Variants in CATSPERD observed in about 807,000 individuals in gnomAD.
The protein encoded by CATSPERD is catsper channel auxiliary subunit delta.
Under a neutral mutation model 98.1 loss-of-function variants are expected in CATSPERD, and 86 were observed. That is an observed-to-expected ratio of 0.88 (90% CI 0.74 to 1.05). The LOEUF is 1.05. CATSPERD is among the 50% of genes least tolerant of loss of function. CATSPERD has a pLI of 0.00. For synonymous variants in CATSPERD, 394 were observed against 390.2 expected, an observed-to-expected ratio of 1.01 and a Z score of -0.12; for missense variants, 995 against 1,005.7, an observed-to-expected ratio of 0.99 and a Z score of 0.14.
intron 21 of CATSPERD, among the ~76,000 whole-genome samples, chr19:5,776,563 C>T (rs915099723): frequency 5.9e-5 from 9 of 152,314 alleles, no homozygotes; most frequent in East Asian, 1.9e-4. Context: ...GCTGCCCTGG[C>T]GCACCTGAGT....
intron 16 of CATSPERD, among the ~76,000 whole-genome samples, chr19:5,765,525 T>C (rs916109722): frequency 6.6e-6 from 1 of 151,994 alleles, no homozygotes; most frequent in African/African-American, 2.4e-5. Flanking sequence ...CATAAATTAG[T>C]TCTGGGCCTG....
At chr19:5,775,221 T>C (rs1042629549) in intron 20 of CATSPERD, 8 of 470,574 alleles carry the variant, frequency 1.7e-5, no homozygotes, top group Non-Finnish European at 3.5e-5. Flanking sequence ...AATGTAGAAA[T>C]GAAAACTTAA....
intron 7 of CATSPERD, among the ~76,000 whole-genome samples, chr19:5,741,401 T>C (rs943105244): frequency 1.4e-4 from 22 of 152,088 alleles, no homozygotes; most frequent in Non-Finnish European, 1.5e-5. Flanking sequence ...GCCAGCAAGG[T>C]TGTTTTCTGG....
chr19:5,762,058 A>ATATATATTTTTTTTTTTT, intron 15 of CATSPERD, among the ~76,000 whole-genome samples: 2 of 10,440 alleles, frequency 1.9e-4, no homozygotes, highest in African/African-American at 3.3e-4. Context: ...ATATATATAT[A>ATATATATTTTTTTTTTTT]TTTTTTTTTT....
intron 15 of CATSPERD, among the ~76,000 whole-genome samples, chr19:5,760,752 G>A (rs962918379): frequency 1.3e-5 from 2 of 152,024 alleles, no homozygotes; most frequent in East Asian, 2.0e-4. Flanking sequence ...TTTGGGGCCC[G>A]GTGTGACGGC....
chr19:5,776,313 C>T lies in CATSPERD; in HGVS notation c.2094C>T (p.Tyr698=), dbSNP rs1236794566. 1 of 1,614,068 alleles carries T rather than the reference C, an allele frequency of 6.2e-7. No homozygotes were observed. Among genetic ancestry groups the T allele is most frequent in the African/African-American group, 1.3e-5 (1 of 75,058 alleles). The change falls in exon 21 of 22, where the codon TAC becomes TAT. Residue 698 remains tyrosine, a splice_region_variant and synonymous_variant. Coordinates refer to ENST00000381624, the MANE Select transcript of CATSPERD (RefSeq NM_152784.4). ...ACATTTCGATCGTGGATCCGTACTA[C>T]AGGTGAGTGGGCCCATCTGCCCCTA... ...VFYISIVDPY[Y]SYCQLETIFS...
intron 11 of CATSPERD, among the ~76,000 whole-genome samples, chr19:5,750,535 G>A (rs976170232): frequency 1.9e-4 from 28 of 150,670 alleles, no homozygotes; most frequent in African/African-American, 6.8e-4. Context: ...GGTTCCAGGA[G>A]TTCATGACCA....
chr19:5,765,071 T>C (rs2436522), intron 16 of CATSPERD, among the ~76,000 whole-genome samples: 126,437 of 152,068 alleles, frequency 0.83, 52,721 homozygotes, highest in Non-Finnish European at 0.86. Context: ...CCACCACACC[T>C]GGCTAAGTTT....
chr19:5,720,948 C>G, intron 1 of CATSPERD, 140 bp downstream of exon 1: 1 of 634,642 alleles, frequency 1.6e-6, no homozygotes, highest in Non-Finnish European at 2.7e-6. Flanking sequence ...TGACGCCTCG[C>G]TCACCCTACT....
intron 12 of CATSPERD, chr19:5,753,671 ACCAGCGTGG>A (rs1290140894): frequency 3.0e-6 from 1 of 333,988 alleles, no homozygotes; most frequent in African/African-American, 2.2e-5. Context: ...GGAATTTGGG[ACCAGCGTGG>A]CAACATAGTA....
At chr19:5,745,767 TA>T (rs937049986) in intron 8 of CATSPERD, 145 bp from the exon 9 acceptor site, 1 of 682,122 alleles carries the variant, frequency 1.5e-6, no homozygotes, top group Non-Finnish European at 2.3e-6. Flanking sequence ...TTAATAAAAA[TA>T]AAAAAAGAAA....
intron 5 of CATSPERD, among the ~76,000 whole-genome samples, chr19:5,736,537 C>T (rs978705281): frequency 1.3e-5 from 2 of 150,338 alleles, no homozygotes; most frequent in Non-Finnish European, 3.0e-5. Context: ...GCCACCGTGG[C>T]GAAACTCCGT....
intron 1 of CATSPERD, 151 bp downstream of exon 1, chr19:5,720,959 C>G: frequency 1.6e-6 from 1 of 611,708 alleles, no homozygotes; most frequent in Non-Finnish European, 2.8e-6. Flanking sequence ...TCACCCTACT[C>G]CACCCCATCC....
At chr19:5,775,498 A>T (rs1486370675) in intron 20 of CATSPERD, among the ~76,000 whole-genome samples, 1 of 149,392 alleles carries the variant, frequency 6.7e-6, no homozygotes, top group African/African-American at 2.5e-5. Flanking sequence ...AAAAAAAAAA[A>T]ATTTGCTGGC....
intron 14 of CATSPERD, 66 bp downstream of exon 14, chr19:5,757,998 T>C (rs2056359787): frequency 7.3e-7 from 1 of 1,362,700 alleles, no homozygotes; most frequent in East Asian, 2.5e-5. Context: ...CTCCTTCCCT[T>C]ATCAGCATAA....
At chr19:5,763,623 G>A (rs1019087711) in intron 16 of CATSPERD, among the ~76,000 whole-genome samples, 4 of 151,950 alleles carry the variant, frequency 2.6e-5, no homozygotes, top group African/African-American at 9.7e-5. Context: ...CAGAAAGTAG[G>A]ATGGGGGGTG....
chr19:5,768,093 C>T, intron 17 of CATSPERD, 75 bp from the exon 18 acceptor site: 1 of 1,377,140 alleles, frequency 7.3e-7, no homozygotes. Context: ...CCAGCCCCTC[C>T]CTTTCTGTCC....
intron 1 of CATSPERD, among the ~76,000 whole-genome samples, chr19:5,721,233 A>G (rs2055465222): frequency 6.6e-6 from 1 of 151,608 alleles, no homozygotes; most frequent in Non-Finnish European, 1.5e-5. Flanking sequence ...CGATCTCCTG[A>G]CCTCGTGACC....
chr19:5,727,694 C>G (rs1006844288), intron 3 of CATSPERD, among the ~76,000 whole-genome samples: 2 of 152,018 alleles, frequency 1.3e-5, no homozygotes, highest in Non-Finnish European at 1.5e-5. Context: ...TGGGAGCAAC[C>G]AGATGTGTAT....
Sources: gnomAD v4.1 joint callset for allele counts (sites outside exome capture counted in the v4.1 genomes callset) on GRCh38, gnomAD v4.1.1 for gene constraint, MANE v1.5 for transcripts, NCBI Gene and HGNC (gene_info 2026-07-23, HGNC 2026-07-21) for gene names.